The following MITF variants were observed in gnomAD, a reference collection of about 807,000 sequenced individuals.
MITF encodes the protein melanocyte inducing transcription factor, also known as microphthalmia-associated transcription factor.
MITF carries 17 observed loss-of-function variants against 60.5 expected under a neutral mutation model. The observed-to-expected ratio is 0.28, with a 90% confidence interval of 0.19 to 0.42. The LOEUF is 0.42. Among genes scored for constraint, MITF ranks in the 10% least tolerant of loss-of-function variants. The pLI is 1.00. For synonymous variants in MITF, 260 were observed against 248.5 expected, an observed-to-expected ratio of 1.05 and a Z score of -0.43; for missense variants, 622 against 683.5, an observed-to-expected ratio of 0.91 and a Z score of 1.00.
chr3:69,851,538 A>C (rs2063824537), intron 1 of MITF, among the ~76,000 whole-genome samples: 1 of 152,214 alleles, frequency 6.6e-6, no homozygotes, highest in South Asian at 2.1e-4. Flanking sequence ...GCACTTGCTA[A>C]GGGACAAAAA....
intron 1 of MITF, among the ~76,000 whole-genome samples, chr3:69,794,310 A>G (rs1268794835): frequency 6.6e-6 from 1 of 152,216 alleles, no homozygotes; most frequent in Non-Finnish European, 1.5e-5. Flanking sequence ...GGTGTTATGT[A>G]TGTGAACAAA....
chr3:69,851,412 T>A (rs375871303), intron 1 of MITF, among the ~76,000 whole-genome samples: 6 of 152,168 alleles, frequency 3.9e-5, no homozygotes, highest in African/African-American at 1.2e-4. Flanking sequence ...AGCCTGAATG[T>A]CCTTATACTA....
At chr3:69,859,063 C>T (rs969521065) in intron 1 of MITF, among the ~76,000 whole-genome samples, 2 of 152,096 alleles carry the variant, frequency 1.3e-5, no homozygotes, top group Non-Finnish European at 2.9e-5. Context: ...ACTCATAAGT[C>T]GAATGCCTTA....
intron 1 of MITF, among the ~76,000 whole-genome samples, chr3:69,764,497 T>C (rs1454376842): frequency 6.6e-6 from 1 of 152,252 alleles, no homozygotes; most frequent in Non-Finnish European, 1.5e-5. Context: ...ATGAATTCTT[T>C]GTCTTGCAGT....
intron 1 of MITF, among the ~76,000 whole-genome samples, chr3:69,774,509 T>G (rs2062443286): frequency 6.6e-6 from 1 of 152,168 alleles, no homozygotes; most frequent in South Asian, 2.1e-4. Context: ...TCTTCAGGCC[T>G]CCAGTATGAA....
At chr3:69,784,390 G>A (rs1276166837) in intron 1 of MITF, among the ~76,000 whole-genome samples, 1 of 151,956 alleles carries the variant, frequency 6.6e-6, no homozygotes, top group Non-Finnish European at 1.5e-5. Flanking sequence ...GCTACTTTTT[G>A]GGGTAAGAGA....
chr3:69,785,691 A>G (rs1190097650), intron 1 of MITF, among the ~76,000 whole-genome samples: 2 of 152,084 alleles, frequency 1.3e-5, no homozygotes, highest in Non-Finnish European at 2.9e-5. Flanking sequence ...TCTTATTTTT[A>G]TGAGTTGAGG....
intron 1 of MITF, among the ~76,000 whole-genome samples, chr3:69,845,442 CTT>C (rs751773040): frequency 3.7e-5 from 5 of 136,794 alleles, no homozygotes; most frequent in Non-Finnish European, 6.2e-5. Context: ...TTTTTTCTTT[CTT>C]TTTTTTTTTT....
intron 1 of MITF, chr3:69,763,931 G>T: frequency 7.3e-7 from 1 of 1,364,908 alleles, no homozygotes. Flanking sequence ...CTCTGTGCCT[G>T]TTTTCAAGAA....
chr3:69,893,865 C>G (rs1444623382), intron 2 of MITF, among the ~76,000 whole-genome samples: 2 of 152,128 alleles, frequency 1.3e-5, no homozygotes, highest in Non-Finnish European at 2.9e-5. Flanking sequence ...AACTTTCCCC[C>G]AAATTACACC....
chr3:69,920,169 G>A (rs1274099298), intron 2 of MITF, among the ~76,000 whole-genome samples: 3 of 152,200 alleles, frequency 2.0e-5, no homozygotes, highest in Non-Finnish European at 2.9e-5. Context: ...GTTATGCCCA[G>A]ACAGGGCCAC....
chr3:69,746,013 A>G (rs1051190561), intron 1 of MITF, among the ~76,000 whole-genome samples: 1 of 152,226 alleles, frequency 6.6e-6, no homozygotes, highest in African/African-American at 2.4e-5. Context: ...CATATATAGA[A>G]TCATGCATCC....
chr3:69,811,467 A>G (rs1259809857), intron 1 of MITF, among the ~76,000 whole-genome samples: 2 of 152,184 alleles, frequency 1.3e-5, no homozygotes, highest in Admixed American at 1.3e-4. Context: ...TCTCATCCAT[A>G]AAGTCTGGTT....
chr3:69,744,138 T>G (rs1016247463), intron 1 of MITF, among the ~76,000 whole-genome samples: 1 of 152,234 alleles, frequency 6.6e-6, no homozygotes, highest in Non-Finnish European at 1.5e-5. Context: ...TTTAAAGGTT[T>G]GGGTGAAATG....
At chr3:69,937,754 G>GA (rs750587811) in intron 2 of MITF, 68 bp from the exon 3 acceptor site, 17 of 1,355,132 alleles carry the variant, frequency 1.3e-5, no homozygotes, top group Non-Finnish European at 1.8e-5. Flanking sequence ...GTTTGTGCCT[G>GA]AAGGAAGAGC....
intron 1 of MITF, among the ~76,000 whole-genome samples, chr3:69,870,166 A>C (rs1245691274): frequency 1.3e-5 from 2 of 150,994 alleles, no homozygotes. Context: ...AACAGGCAAA[A>C]AAAAAAAAGC....
At chr3:69,793,190 A>AT (rs11395592) in intron 1 of MITF, among the ~76,000 whole-genome samples, 50,486 of 150,696 alleles carry the variant, frequency 0.34, 9,387 homozygotes, top group Non-Finnish European at 0.42. Flanking sequence ...ATTTTTTTGT[A>AT]TTTTTTGTAG....
chr3:69,964,827 T>C lies in MITF; in HGVS notation c.1180-20T>C. 1 of 1,613,592 alleles carries C rather than the reference T, an allele frequency of 6.2e-7. No homozygotes were observed. Among genetic ancestry groups the C allele is most frequent in the Non-Finnish European group, 8.5e-7 (1 of 1,179,604 alleles). ...CTGTGCTCTGCCTATTTCAGTGTTT[T>C]ATCTTTACTCTTATTATAGGAACTT... On this transcript the variant is annotated intron_variant, in intron 9 of 9. Transcript: ENST00000352241.
intron 1 of MITF, among the ~76,000 whole-genome samples, chr3:69,759,449 C>T (rs542334499): frequency 1.1e-4 from 16 of 152,250 alleles, no homozygotes; most frequent in South Asian, 2.1e-4. Context: ...CAGACCAATA[C>T]CTTATTTAAC....
Sources: gnomAD v4.1 joint callset for allele counts (sites outside exome capture counted in the v4.1 genomes callset) on GRCh38, gnomAD v4.1.1 for gene constraint, MANE v1.5 for transcripts, NCBI Gene and HGNC (gene_info 2026-07-23, HGNC 2026-07-21) for gene names.